RBM6: variants seen among roughly 807,000 people sequenced by gnomAD.
RBM6 encodes the protein RNA binding motif protein 6, also known as RNA-binding protein 6.
RBM6 carries 23 observed loss-of-function variants against 140.4 expected under a neutral mutation model. The ratio of observed to expected loss-of-function variants is 0.16; its 90% confidence interval spans 0.12 to 0.23. The LOEUF (loss-of-function observed/expected upper bound fraction) is 0.23, where lower values mean the gene tolerates loss of function less well. Ranked by LOEUF, RBM6 falls within the 10% of genes least tolerant of loss-of-function variation. The pLI, the probability that RBM6 is intolerant of heterozygous loss-of-function variation, is 1.00. For synonymous variants in RBM6, 439 were observed against 475.6 expected, an observed-to-expected ratio of 0.92 and a Z score of 1.00; for missense variants, 1,139 against 1,386.7, an observed-to-expected ratio of 0.82 and a Z score of 2.84.
intron 6 of RBM6, among the ~76,000 whole-genome samples, chr3:50,031,419 C>T (rs1263433217): frequency 1.3e-5 from 2 of 152,130 alleles, no homozygotes; most frequent in African/African-American, 4.8e-5. Context: ...AGGATGAGTT[C>T]ATGTCCTTTG....
intron 9 of RBM6, 142 bp from the exon 10 acceptor site, chr3:50,058,260 T>A: frequency 9.9e-7 from 1 of 1,015,118 alleles, no homozygotes; most frequent in Non-Finnish European, 1.5e-6. Flanking sequence ...AAGTATGCAG[T>A]ATTTATTTGT....
At chr3:50,012,419 G>A (rs962940105) in intron 6 of RBM6, among the ~76,000 whole-genome samples, 3 of 150,770 alleles carry the variant, frequency 2.0e-5, no homozygotes, top group Non-Finnish European at 4.4e-5. Context: ...GTGCAGTGGC[G>A]TGATCTCAGC....
At chr3:49,971,947 T>C (rs1047199106) in intron 3 of RBM6, 112 bp from the exon 4 acceptor site, 3 of 754,848 alleles carry the variant, frequency 4.0e-6, no homozygotes. Flanking sequence ...TTTTTATATC[T>C]TCACGTGACA....
intron 6 of RBM6, among the ~76,000 whole-genome samples, chr3:50,004,101 T>C (rs1260292503): frequency 1.3e-5 from 2 of 152,138 alleles, no homozygotes; most frequent in East Asian, 3.9e-4. Flanking sequence ...ACTGTTGGCA[T>C]TTGGTATGCA....
intron 6 of RBM6, among the ~76,000 whole-genome samples, chr3:50,003,312 A>T (rs1302325787): frequency 1.5e-5 from 2 of 132,888 alleles, no homozygotes; most frequent in African/African-American, 3.3e-5. Flanking sequence ...TAAATTTAAA[A>T]AAAAAAAAAA....
intron 1 of RBM6, among the ~76,000 whole-genome samples, chr3:49,955,849 T>TCC: frequency 7.5e-6 from 1 of 132,714 alleles, no homozygotes; most frequent in African/African-American, 2.7e-5. Context: ...TCTGTGTCTC[T>TCC]CTCTCTCTCT....
intron 6 of RBM6, among the ~76,000 whole-genome samples, chr3:50,041,045 C>T (rs1033048768): frequency 6.6e-6 from 1 of 152,190 alleles, no homozygotes; most frequent in Non-Finnish European, 1.5e-5. Context: ...TCAGAGAACA[C>T]AAATAAGATT....
At chr3:50,017,400 A>G (rs1314041221) in intron 6 of RBM6, among the ~76,000 whole-genome samples, 1 of 152,012 alleles carries the variant, frequency 6.6e-6, no homozygotes, top group Non-Finnish European at 1.5e-5. Context: ...TACTAAAAAT[A>G]CAAAAAAATT....
intron 6 of RBM6, among the ~76,000 whole-genome samples, chr3:50,047,556 T>TG (rs1209162260): frequency 2.6e-5 from 4 of 152,192 alleles, no homozygotes; most frequent in African/African-American, 9.6e-5. Flanking sequence ...AAGGCTTACT[T>TG]GCCAATGGTT....
intron 15 of RBM6, among the ~76,000 whole-genome samples, chr3:50,062,892 C>CTTTT (rs36101209): frequency 7.8e-6 from 1 of 128,486 alleles, no homozygotes; most frequent in Non-Finnish European, 1.6e-5. Flanking sequence ...TTTCTTTTTC[C>CTTTT]TTTTTTTTTT....
intron 6 of RBM6, among the ~76,000 whole-genome samples, chr3:50,036,769 T>C (rs538268394): frequency 6.6e-6 from 1 of 152,246 alleles, no homozygotes; most frequent in East Asian, 1.9e-4. Context: ...GTGAACCTTT[T>C]CTGACTTAAA....
intron 2 of RBM6, among the ~76,000 whole-genome samples, chr3:49,965,445 G>A (rs1459858017): frequency 6.6e-6 from 1 of 152,114 alleles, no homozygotes; most frequent in Admixed American, 6.5e-5. Flanking sequence ...CGAGGCGGGT[G>A]GATCACGAGG....
At chr3:49,956,548 T>G (rs1384034003) in intron 1 of RBM6, among the ~76,000 whole-genome samples, 2 of 152,042 alleles carry the variant, frequency 1.3e-5, no homozygotes, top group East Asian at 3.9e-4. Flanking sequence ...GTCAGGCTGG[T>G]CTCGAACTCC....
At chr3:50,047,497 A>C (rs1160953732) in intron 6 of RBM6, among the ~76,000 whole-genome samples, 1 of 152,192 alleles carries the variant, frequency 6.6e-6, no homozygotes, top group Non-Finnish European at 1.5e-5. Context: ...GCTCTTTAAC[A>C]GGCTTGTTGA....
intron 6 of RBM6, among the ~76,000 whole-genome samples, chr3:50,025,755 A>G (rs891946425): frequency 6.6e-6 from 1 of 151,426 alleles, no homozygotes; most frequent in Non-Finnish European, 1.5e-5. Flanking sequence ...CTGCCTACAT[A>G]TAGTTGTTCA....
chr3:50,021,897 T>C (rs2087510469), intron 6 of RBM6, among the ~76,000 whole-genome samples: 1 of 151,006 alleles, frequency 6.6e-6, no homozygotes, highest in Non-Finnish European at 1.5e-5. Context: ...CTCTTTAGCT[T>C]GTGTGTTATT....
chr3:49,946,224 C>G (rs1324638358), intron 1 of RBM6, among the ~76,000 whole-genome samples: 1 of 151,900 alleles, frequency 6.6e-6, no homozygotes, highest in African/African-American at 2.4e-5. Flanking sequence ...CACATCCTGG[C>G]CAACACTTGT....
intron 3 of RBM6, among the ~76,000 whole-genome samples, chr3:49,969,465 G>GTA (rs1049677344): frequency 3.8e-4 from 55 of 144,590 alleles, no homozygotes; most frequent in South Asian, 8.6e-4. Flanking sequence ...GTGTGTGTGT[G>GTA]TATATATATA....
chr3:50,075,471 G>T, intron 20 of RBM6, 141 bp downstream of exon 20: 1 of 1,161,484 alleles, frequency 8.6e-7, no homozygotes, highest in East Asian at 2.4e-5. Context: ...GAACACTTTA[G>T]CCTTGAATAC....
Sources: allele counts gnomAD v4.1 joint callset (sites outside exome capture counted in the v4.1 genomes callset), GRCh38; gene constraint gnomAD v4.1.1; transcripts MANE v1.5; gene names NCBI Gene and HGNC (gene_info 2026-07-23, HGNC 2026-07-21).